The following SMAP1 variants were observed in gnomAD, a reference collection of about 807,000 sequenced individuals.
SMAP1 encodes the protein stromal membrane-associated protein 1.
A neutral mutation model predicts 58.5 loss-of-function variants in SMAP1; 24 were observed. That is an observed-to-expected ratio of 0.41 (90% CI 0.30 to 0.58). SMAP1 has a LOEUF of 0.58. Ranked by LOEUF, SMAP1 falls within the 20% of genes least tolerant of loss-of-function variation. The pLI is 0.29. For synonymous variants in SMAP1, 216 were observed against 196.6 expected, an observed-to-expected ratio of 1.10 and a Z score of -0.82; for missense variants, 563 against 566.3, an observed-to-expected ratio of 0.99 and a Z score of 0.06.
At chr6:70,762,081 A>G (rs1468405685) in intron 3 of SMAP1, among the ~76,000 whole-genome samples, 4 of 152,114 alleles carry the variant, frequency 2.6e-5, no homozygotes, top group African/African-American at 9.7e-5. Flanking sequence ...GAGAATGTCA[A>G]CATATAATGC....
intron 1 of SMAP1, among the ~76,000 whole-genome samples, chr6:70,714,112 A>G (rs1768168873): frequency 6.6e-6 from 1 of 151,882 alleles, no homozygotes; most frequent in Non-Finnish European, 1.5e-5. Flanking sequence ...CTTTCCACGT[A>G]TGTGTGTCCT....
intron 6 of SMAP1, among the ~76,000 whole-genome samples, chr6:70,806,809 C>G (rs1769154186): frequency 1.3e-5 from 2 of 152,164 alleles, no homozygotes; most frequent in Admixed American, 1.3e-4. Flanking sequence ...CCATGCTTAT[C>G]TCATTTAAGT....
chr6:70,756,318 A>G (rs915612698), intron 3 of SMAP1, among the ~76,000 whole-genome samples: 1 of 152,090 alleles, frequency 6.6e-6, no homozygotes, highest in Non-Finnish European at 1.5e-5. Context: ...ACACAGAGAT[A>G]TAGGTCATTA....
rs764196462 is a variant in SMAP1 at position 70,852,491 on chromosome 6, A to G, written c.665-49A>G. The G allele has an allele frequency of 3.0e-5, 43 of 1,412,306 alleles. No homozygotes were observed. The South Asian group carries it at 6.9e-4, about 23-fold the overall frequency. 87.5% of individuals were successfully genotyped at this position (1,412,306 alleles called of 1,614,324 possible). Reference sequence around the variant, plus strand: ...ATTTTTAAAATAATGCCATGTTTCAAGTAATTTAAGATATTCTACGTTAAG... The same window carrying G: ...ATTTTTAAAATAATGCCATGTTTCAGGTAATTTAAGATATTCTACGTTAAG... On this transcript the variant is annotated intron_variant, in intron 7 of 10. Coordinates refer to ENST00000370455, the MANE Select transcript of SMAP1 (RefSeq NM_001044305.3).
Position 70,860,437 on chromosome 6 carries a change from C to A in SMAP1, c.*103C>A. The A allele has an allele frequency of 1.5e-6, 2 of 1,366,990 alleles. No individual in the cohort carries two copies. The highest frequency in any genetic ancestry group is 2.0e-6 in the Non-Finnish European group (2 of 1,013,184). 84.7% of individuals were successfully genotyped at this position (1,366,990 alleles called of 1,614,324 possible). A position where few individuals can be genotyped will look rare whatever the true frequency, so the allele number is the denominator to read the frequency against. ...ATATGCATATTTTTTTTCTTTTTAC[C>A]CATTTGTTCATATTAAGAATGATCT... On this transcript the variant is annotated 3_prime_UTR_variant, in exon 11 of 11. Transcript: ENST00000370455.
At chr6:70,714,608 A>G (rs2149840607) in intron 1 of SMAP1, among the ~76,000 whole-genome samples, 1 of 152,238 alleles carries the variant, frequency 6.6e-6, no homozygotes, top group East Asian at 1.9e-4. Context: ...TACTGGGATT[A>G]TAATTAACTT....
intron 2 of SMAP1, among the ~76,000 whole-genome samples, chr6:70,733,942 A>G (rs1765524573): frequency 6.6e-6 from 1 of 152,198 alleles, no homozygotes; most frequent in South Asian, 2.1e-4. Flanking sequence ...TTTTGTAATC[A>G]GAGGGCTGCA....
intron 1 of SMAP1, among the ~76,000 whole-genome samples, chr6:70,678,661 C>G (rs891952367): frequency 1.3e-5 from 2 of 152,208 alleles, no homozygotes; most frequent in Non-Finnish European, 2.9e-5. Context: ...GAGCTAAAGG[C>G]AAGGTGTTAG....
chr6:70,740,469 A>C (rs1765768778), intron 2 of SMAP1, among the ~76,000 whole-genome samples: 1 of 90,548 alleles, frequency 1.1e-5, no homozygotes, highest in South Asian at 3.6e-4. Flanking sequence ...CCATCTCAAA[A>C]AAAAAAAAAC....
intron 3 of SMAP1, among the ~76,000 whole-genome samples, chr6:70,759,521 G>A (rs1222390308): frequency 1.3e-5 from 2 of 151,974 alleles, no homozygotes; most frequent in African/African-American, 4.8e-5. Context: ...ATTCCATATT[G>A]TTTTCAAATT....
intron 2 of SMAP1, among the ~76,000 whole-genome samples, chr6:70,740,421 T>C (rs144153788): frequency 2.7e-5 from 4 of 149,546 alleles, no homozygotes; most frequent in Admixed American, 2.7e-4. Context: ...TAGCTGGGCA[T>C]AGGGCATGTG....
chr6:70,765,828 T>C (rs1489681910), intron 3 of SMAP1, among the ~76,000 whole-genome samples: 1 of 152,116 alleles, frequency 6.6e-6, no homozygotes, highest in Non-Finnish European at 1.5e-5. Flanking sequence ...ATGTGCCATG[T>C]TGGTGTGCTG....
chr6:70,857,710 T>TCC (rs1771491102), intron 9 of SMAP1: 3 of 564,386 alleles, frequency 5.3e-6, no homozygotes, highest in Non-Finnish European at 9.4e-6. Context: ...CTTAATTAAA[T>TCC]TTACTCAGGT....
intron 1 of SMAP1, among the ~76,000 whole-genome samples, chr6:70,705,893 T>G (rs1266469236): frequency 6.6e-6 from 1 of 152,180 alleles, no homozygotes; most frequent in Non-Finnish European, 1.5e-5. Flanking sequence ...AGCGTCTGAT[T>G]GATAAAGCAA....
intron 3 of SMAP1, among the ~76,000 whole-genome samples, chr6:70,771,225 T>A (rs1457628802): frequency 6.6e-6 from 1 of 152,204 alleles, no homozygotes; most frequent in Non-Finnish European, 1.5e-5. Flanking sequence ...GAGGAGGCAG[T>A]CTGCCCATTC....
At chr6:70,766,506 G>A (rs531838885) in intron 3 of SMAP1, among the ~76,000 whole-genome samples, 5 of 152,258 alleles carry the variant, frequency 3.3e-5, no homozygotes, top group African/African-American at 7.2e-5. Context: ...GTGATGGTGA[G>A]CATTTTTTCG....
At chr6:70,741,430 A>G (rs960063106) in intron 2 of SMAP1, among the ~76,000 whole-genome samples, 1 of 152,196 alleles carries the variant, frequency 6.6e-6, no homozygotes, top group African/African-American at 2.4e-5. Context: ...CTCGAAAATT[A>G]TCTCCTTTGA....
At chr6:70,758,309 G>A (rs1766596696) in intron 3 of SMAP1, among the ~76,000 whole-genome samples, 1 of 146,436 alleles carries the variant, frequency 6.8e-6, no homozygotes, top group Non-Finnish European at 1.5e-5. Flanking sequence ...TTATAGGTGG[G>A]AACTGAACAA....
At chr6:70,719,823 A>G (rs1768439918) in intron 1 of SMAP1, among the ~76,000 whole-genome samples, 1 of 152,172 alleles carries the variant, frequency 6.6e-6, no homozygotes, top group South Asian at 2.1e-4. Flanking sequence ...GGGAAAGACT[A>G]GCCCCCATGG....
Sources: gnomAD v4.1 joint callset for allele counts (sites outside exome capture counted in the v4.1 genomes callset) on GRCh38, gnomAD v4.1.1 for gene constraint, MANE v1.5 for transcripts, NCBI Gene and HGNC (gene_info 2026-07-23, HGNC 2026-07-21) for gene names.